Variants in AP4S1 observed in about 807,000 individuals in gnomAD.
AP4S1 encodes adaptor related protein complex 4 subunit sigma 1, also known as AP-4 complex subunit sigma-1.
Under a neutral mutation model 19.8 loss-of-function variants are expected in AP4S1, and 23 were observed. The ratio of observed to expected loss-of-function variants is 1.16; its 90% confidence interval spans 0.84 to 1.65. The LOEUF is 1.65. Ranked by LOEUF, AP4S1 falls within the 40% of genes most tolerant of loss-of-function variation. The pLI is 0.00. For synonymous variants in AP4S1, 46 were observed against 54.1 expected, an observed-to-expected ratio of 0.85 and a Z score of 0.66; for missense variants, 166 against 172.8, an observed-to-expected ratio of 0.96 and a Z score of 0.22.
At chr14:31,054,399 A>G (rs1437542968) in intron 1 of AP4S1, among the ~76,000 whole-genome samples, 1 of 152,196 alleles carries the variant, frequency 6.6e-6, no homozygotes, top group East Asian at 1.9e-4. Context: ...TTAGCAGGGC[A>G]TGGGCTGGGC....
chr14:31,051,304 T>C (rs1885780093), intron 1 of AP4S1, among the ~76,000 whole-genome samples: 1 of 151,860 alleles, frequency 6.6e-6, no homozygotes, highest in Admixed American at 6.6e-5. Flanking sequence ...AAGGGGATAT[T>C]CACATCCCAG....
chr14:31,082,977 G>A (rs1308345200), intron 5 of AP4S1, among the ~76,000 whole-genome samples: 2 of 152,126 alleles, frequency 1.3e-5, no homozygotes, highest in Non-Finnish European at 2.9e-5. Context: ...AGGTAACTGA[G>A]CTGAGTTACC....
chr14:31,089,163 C>CAA (rs34280899), intron 5 of AP4S1, among the ~76,000 whole-genome samples: 33 of 105,898 alleles, frequency 3.1e-4, no homozygotes, highest in African/African-American at 1.1e-3. Context: ...TTGTCTTAAC[C>CAA]AAAAAAAAAA....
chr14:31,037,781 C>A (rs1211226938), intron 1 of AP4S1, among the ~76,000 whole-genome samples: 1 of 152,092 alleles, frequency 6.6e-6, no homozygotes, highest in Non-Finnish European at 1.5e-5. Context: ...AGACTCCTGT[C>A]TCTACAAAAA....
chr14:31,090,775 A>T (rs185718565), intron 5 of AP4S1, among the ~76,000 whole-genome samples: 2 of 152,368 alleles, frequency 1.3e-5, no homozygotes. Context: ...ATCAAGATGT[A>T]AACAACAGCT....
At chr14:31,075,108 T>A (rs1186225651) in intron 4 of AP4S1, among the ~76,000 whole-genome samples, 2 of 152,224 alleles carry the variant, frequency 1.3e-5, no homozygotes, top group Non-Finnish European at 2.9e-5. Context: ...TACTGATTTA[T>A]CAAACACTAG....
intron 3 of AP4S1, among the ~76,000 whole-genome samples, chr14:31,070,924 C>T (rs989266440): frequency 2.6e-4 from 39 of 152,064 alleles, no homozygotes; most frequent in African/African-American, 8.0e-4. Flanking sequence ...TGGTGGCGGG[C>T]GCCTGTAGTC....
rs138023520 is a variant in AP4S1, at chr14:31,034,054, G to A, written c.-72+8267G>A. On this transcript the variant is annotated intron_variant, in intron 1 of 5. Transcript: ENST00000542754. ...CATAAGAGCAAAATGACTGGAAGAT[G>A]TGACTAATTGGTAAATTGCCAAAAG... Among the ~76,000 whole-genome samples the A allele has an allele frequency of 3.1e-3, 476 of 152,306 alleles. 4 individuals carry two copies. The highest frequency in any genetic ancestry group is 0.011 in the African/African-American group (465 of 41,566).
At chr14:31,078,187 G>A (rs1187229206) in intron 4 of AP4S1, among the ~76,000 whole-genome samples, 1 of 152,196 alleles carries the variant, frequency 6.6e-6, no homozygotes. Context: ...TGGGGACAGA[G>A]GACATGGAGA....
chr14:31,076,448 A>G (rs1887364234), intron 4 of AP4S1, among the ~76,000 whole-genome samples: 1 of 152,170 alleles, frequency 6.6e-6, no homozygotes, highest in Admixed American at 6.5e-5. Flanking sequence ...TTTATTAGCC[A>G]TTTGTCTATC....
At chr14:31,046,774 A>T (rs1387616953) in intron 1 of AP4S1, among the ~76,000 whole-genome samples, 1 of 146,468 alleles carries the variant, frequency 6.8e-6, no homozygotes, top group Admixed American at 7.0e-5. Context: ...TGAACCCAGG[A>T]GGTGGAGCTT....
rs1377110060 is a variant in AP4S1 at position 31,096,434 on chromosome 14, A to G, written c.*3399A>G. 3.3e-5 allele frequency: 5 copies of G among 152,182 alleles called. No individual in the cohort carries two copies. The highest frequency in any genetic ancestry group is 1.9e-4 in the East Asian group (1 of 5,188). 9.4% of individuals were successfully genotyped at this position (152,182 alleles called of 1,614,324 possible). A position where few individuals can be genotyped will look rare whatever the true frequency, so the allele number is the denominator to read the frequency against. On this transcript the variant is annotated 3_prime_UTR_variant, in exon 6 of 6. Coordinates refer to ENST00000542754, the MANE Select transcript of AP4S1 (RefSeq NM_001128126.3). The stretch of plus-strand genomic sequence containing the variant: ...AGAAAATTCCAGAAATAAACAATGT[A>G]TAAGTTTTAAACTGCATGCCATTCT...
At chr14:31,049,433 A>ATATATATG (rs1885633351) in intron 1 of AP4S1, among the ~76,000 whole-genome samples, 1 of 43,442 alleles carries the variant, frequency 2.3e-5, no homozygotes, top group Non-Finnish European at 3.8e-5. Flanking sequence ...AAAAAAATAT[A>ATATATATG]TATATATATA....
upstream of AP4S1, chr14:31,025,225 G>C (rs1228126748): frequency 2.6e-5 from 4 of 152,392 alleles, no homozygotes; most frequent in Admixed American, 1.3e-4. Flanking sequence ...GAAAAATTCA[G>C]TGCTGAAAGC....
chr14:31,052,541 A>G (rs1030448297), intron 1 of AP4S1, among the ~76,000 whole-genome samples: 15 of 152,108 alleles, frequency 9.9e-5, no homozygotes, highest in African/African-American at 3.4e-4. Flanking sequence ...CCTGGCCAAC[A>G]TGGTGAAACC....
At chr14:31,031,316 C>T (rs1387575581) in intron 1 of AP4S1, among the ~76,000 whole-genome samples, 1 of 152,090 alleles carries the variant, frequency 6.6e-6, no homozygotes, top group East Asian at 1.9e-4. Context: ...CCTTCTTAGA[C>T]CATAAAGTCA....
chr14:31,050,345 C>G (rs1483873378), intron 1 of AP4S1, among the ~76,000 whole-genome samples: 1 of 152,136 alleles, frequency 6.6e-6, no homozygotes, highest in African/African-American at 2.4e-5. Flanking sequence ...TAGGCGTGAG[C>G]CACCGTGCCC....
rs562382764 is a variant in AP4S1, at chr14:31,084,639, C to T, written c.306+4055C>T. Reference sequence around the variant, plus strand: ...CTCCTGTGCACTCTTCAGTTCCACTCCACCCGCCCGGCTGAAGTGAGGCCT... The same window carrying T: ...CTCCTGTGCACTCTTCAGTTCCACTTCACCCGCCCGGCTGAAGTGAGGCCT... On this transcript the variant is annotated intron_variant, in intron 5 of 5. Transcript: ENST00000542754. 3 of 1,450,968 alleles carry T rather than the reference C, an allele frequency of 2.1e-6. No homozygotes were observed. In the African/African-American group the frequency reaches 4.2e-5, roughly 20 times the overall value. 89.9% of individuals were successfully genotyped at this position (1,450,968 alleles called of 1,614,324 possible).
intron 1 of AP4S1, among the ~76,000 whole-genome samples, chr14:31,053,718 A>G (rs1446791970): frequency 6.9e-6 from 1 of 145,770 alleles, no homozygotes; most frequent in African/African-American, 2.6e-5. Flanking sequence ...TGAAGACATG[A>G]GCTACCATGT....
Sources: gnomAD v4.1 joint callset for allele counts (sites outside exome capture counted in the v4.1 genomes callset) on GRCh38, gnomAD v4.1.1 for gene constraint, MANE v1.5 for transcripts, NCBI Gene and HGNC (gene_info 2026-07-23, HGNC 2026-07-21) for gene names.